ADCY9: variants seen among roughly 807,000 people sequenced by gnomAD.
ADCY9 encodes adenylate cyclase type 9.
Under a neutral mutation model 101.5 loss-of-function variants are expected in ADCY9, and 50 were observed. The observed-to-expected ratio is 0.49, with a 90% confidence interval of 0.39 to 0.62. ADCY9 has a LOEUF of 0.62. Ranked by LOEUF, ADCY9 falls within the 20% of genes least tolerant of loss-of-function variation. ADCY9 has a pLI of 0.00. For missense variants in ADCY9, 1,662 were observed against 1,800.4 expected (o/e 0.92, Z 1.39); for synonymous variants, 905 against 769.3 (o/e 1.18, Z -2.92).
At chr16:4,027,274 T>C (rs1196188944) in intron 2 of ADCY9, among the ~76,000 whole-genome samples, 1 of 152,244 alleles carries the variant, frequency 6.6e-6, no homozygotes, top group African/African-American at 2.4e-5. Context: ...TCTCGTTGCT[T>C]TCTTTGTGCA....
intron 2 of ADCY9, among the ~76,000 whole-genome samples, chr16:4,054,603 C>T (rs1313324362): frequency 1.3e-5 from 2 of 151,650 alleles, no homozygotes; most frequent in Non-Finnish European, 2.9e-5. Context: ...CGGACTCTCG[C>T]TCTGTCACCC....
rs773545953 is a variant in ADCY9, at chr16:4,114,809, G to A, written c.634C>T (p.Arg212Trp). The change falls in exon 2 of 11, where the codon CGG (arginine) becomes TGG (tryptophan). Residue 212 changes from arginine to tryptophan, a missense_variant. Around this residue, in one of 5 missense-constraint regions of ADCY9, gnomAD observed 422 missense variants for 392.0 expected, o/e 1.08. Transcript: ENST00000294016. This position sits in a 1 kb window ranked among gnomAD's most constrained non-coding sequence, Gnocchi z 4.3. The stretch of plus-strand genomic sequence containing the variant: ...TGAGATAAGCAAGTATCTGTGGGCC[G>A]GGCTGTGGCCGTAAGGTTGGAGCTG... ...GDSSNLTATA[R>W]PTDTCLSQVG... 3 of 1,613,234 alleles carry A rather than the reference G, an allele frequency of 1.9e-6. No individual in the cohort carries two copies. Among genetic ancestry groups the A allele is most frequent in the Middle Eastern group, 1.6e-4 (1 of 6,084 alleles).
intron 2 of ADCY9, among the ~76,000 whole-genome samples, chr16:4,013,660 C>A (rs944050644): frequency 9.2e-5 from 14 of 152,158 alleles, no homozygotes; most frequent in Non-Finnish European, 1.5e-5. Flanking sequence ...TTCTTCCTCA[C>A]GACTAGGTCG....
chr16:4,043,654 C>T (rs2056643065), intron 2 of ADCY9, among the ~76,000 whole-genome samples: 1 of 152,106 alleles, frequency 6.6e-6, no homozygotes, highest in African/African-American at 2.4e-5. Context: ...TCCGCCACTG[C>T]ATTCCAACCT....
intron 2 of ADCY9, among the ~76,000 whole-genome samples, chr16:4,069,764 C>T (rs72762801): frequency 0.027 from 4,044 of 152,154 alleles, 62 homozygotes; most frequent in Non-Finnish European, 0.041. Context: ...AACAACAGGC[C>T]ACCCATCAAG....
intron 9 of ADCY9, among the ~76,000 whole-genome samples, chr16:3,975,066 G>A (rs1462837520): frequency 6.6e-6 from 1 of 152,176 alleles, no homozygotes; most frequent in Non-Finnish European, 1.5e-5. Flanking sequence ...TGAACTCTGG[G>A]CACAAAGGCG....
At chr16:3,980,936 C>G (rs1055331258) in intron 7 of ADCY9, among the ~76,000 whole-genome samples, 3 of 152,256 alleles carry the variant, frequency 2.0e-5, no homozygotes, top group Admixed American at 1.3e-4. Flanking sequence ...ATGCAGGAAG[C>G]CTCCTGGAGG....
chr16:4,064,374 G>C (rs188869397), intron 2 of ADCY9, among the ~76,000 whole-genome samples: 163 of 152,312 alleles, frequency 1.1e-3, no homozygotes, highest in Middle Eastern at 3.4e-3. Context: ...AACAAGAAAG[G>C]TTATGAGTGG....
Position 4,115,312 on chromosome 16 carries a change from T to G in ADCY9, c.131A>C (p.Lys44Thr), listed in dbSNP as rs1439793065. ...AGAGGAGATGCTGTATTTGCAGTGC[T>G]TGGGGTGGCTGTTGGAGGACAGCTG... ...PKQLSSNSHP[K>T]HCKYSISSSC... The change falls in exon 2 of 11, where the codon AAG becomes ACG. Residue 44 changes from lysine (K) to threonine (T), a missense_variant. Lys to Thr is a moderately conservative substitution (Grantham distance 78, BLOSUM62 -1). Transcript: ENST00000294016. This position sits in a 1 kb window ranked among gnomAD's most constrained non-coding sequence, Gnocchi z 6.2. The G allele has an allele frequency of 6.2e-7, 1 of 1,613,758 alleles. No homozygotes were observed.
chr16:3,983,124 G>A, intron 7 of ADCY9, 108 bp downstream of exon 7: 1 of 1,065,602 alleles, frequency 9.4e-7, no homozygotes, highest in Non-Finnish European at 1.3e-6. Context: ...AAATCAGCCA[G>A]CAGGGACAGC....
At chr16:4,062,491 G>C (rs890471307) in intron 2 of ADCY9, among the ~76,000 whole-genome samples, 3 of 152,214 alleles carry the variant, frequency 2.0e-5, no homozygotes, top group African/African-American at 7.2e-5. Flanking sequence ...CTGTCTGCAA[G>C]AGATGCAGAT....
intron 2 of ADCY9, among the ~76,000 whole-genome samples, chr16:4,105,677 CAA>C (rs35983934): frequency 0.06 from 4,933 of 81,718 alleles, 290 homozygotes; most frequent in African/African-American, 0.19. Context: ...GACTCCGTCT[CAA>C]AAAAAAAAAA....
At chr16:4,090,066 G>A (rs2056963842) in intron 2 of ADCY9, among the ~76,000 whole-genome samples, 1 of 152,100 alleles carries the variant, frequency 6.6e-6, no homozygotes, top group African/African-American at 2.4e-5. Flanking sequence ...CTGCCCTACA[G>A]GCCATTCCAA....
chr16:4,079,044 G>C (rs568393794), intron 2 of ADCY9, among the ~76,000 whole-genome samples: 1 of 152,120 alleles, frequency 6.6e-6, no homozygotes, highest in Non-Finnish European at 1.5e-5. Context: ...ATTACTTTTT[G>C]TTCTATTAAA....
At chr16:3,971,300 G>A (rs986154629) in intron 10 of ADCY9, among the ~76,000 whole-genome samples, 11 of 152,102 alleles carry the variant, frequency 7.2e-5, no homozygotes, top group African/African-American at 2.7e-4. Flanking sequence ...TCCTCCAAAC[G>A]TCAACTCACA....
chr16:3,966,516 G>A lies in ADCY9; in HGVS notation c.3321C>T (p.Ile1107=), dbSNP rs1280534404. The A allele has an allele frequency of 1.3e-5, 21 of 1,614,066 alleles. No homozygotes were observed. Among genetic ancestry groups the A allele is most frequent in the Non-Finnish European group, 1.8e-5 (21 of 1,180,044 alleles). The change falls in exon 11 of 11, where the codon ATC becomes ATT. Residue 1107 remains isoleucine, a synonymous_variant. Coordinates refer to ENST00000294016, the MANE Select transcript of ADCY9 (RefSeq NM_001116.4). The part of the protein sequence containing the change: ...SKPDYSSIEK[I]KTIGATYMAA... Reference sequence around the variant, plus strand: ...CCATGTACGTGGCTCCGATGGTCTTGATCTTCTCGATGCTGCTGTAGTCCG... The same window carrying A: ...CCATGTACGTGGCTCCGATGGTCTTAATCTTCTCGATGCTGCTGTAGTCCG...
intron 2 of ADCY9, among the ~76,000 whole-genome samples, chr16:4,078,583 A>C (rs950211390): frequency 6.6e-6 from 1 of 150,732 alleles, no homozygotes; most frequent in African/African-American, 2.4e-5. Context: ...AAGAAAACAA[A>C]AACATAAAAG....
At chr16:4,109,965 C>T (rs1309922599) in intron 2 of ADCY9, among the ~76,000 whole-genome samples, 2 of 152,188 alleles carry the variant, frequency 1.3e-5, no homozygotes, top group African/African-American at 4.8e-5. Flanking sequence ...CAATCGTCCG[C>T]CCCCACAGAG....
chr16:4,020,490 A>G (rs1239544879), intron 2 of ADCY9, among the ~76,000 whole-genome samples: 2 of 152,156 alleles, frequency 1.3e-5, no homozygotes, highest in African/African-American at 4.8e-5. Flanking sequence ...TACGAGAGGG[A>G]GAGTACCCTG....
Sources: allele counts gnomAD v4.1 joint callset (sites outside exome capture counted in the v4.1 genomes callset), GRCh38; gene constraint gnomAD v4.1.1; regional missense constraint gnomAD v4.1.1; non-coding constraint Gnocchi (gnomAD v3.1); transcripts MANE v1.5; gene names NCBI Gene and HGNC (gene_info 2026-07-23, HGNC 2026-07-21).